Variants in TIMM23 observed in about 807,000 individuals in gnomAD.
TIMM23 encodes translocase of inner mitochondrial membrane 23.
TIMM23 carries 19 observed loss-of-function variants against 30.7 expected under a neutral mutation model. The observed-to-expected ratio is 0.62, with a 90% CI of 0.43 to 0.91. The LOEUF is 0.91. TIMM23 is among the 40% of genes least tolerant of loss of function. The pLI, the probability that TIMM23 is intolerant of heterozygous loss-of-function variation, is 0.00. For missense variants in TIMM23, 202 were observed against 269.2 expected (o/e 0.75, Z 1.75); for synonymous variants, 78 against 98.5 (o/e 0.79, Z 1.23).
intron 6 of TIMM23, among the ~76,000 whole-genome samples, chr10:45,998,006 T>G (rs1195781656): frequency 6.6e-6 from 1 of 152,122 alleles, no homozygotes; most frequent in African/African-American, 2.4e-5. Context: ...CATTTAGTAG[T>G]CATGTTAGTA....
At chr10:45,990,332 AG>A (rs1209877753) in intron 6 of TIMM23, among the ~76,000 whole-genome samples, 1 of 152,012 alleles carries the variant, frequency 6.6e-6, no homozygotes, top group African/African-American at 2.4e-5. Context: ...CATATTGGTC[AG>A]GCTGGTCTCA....
At chr10:45,995,396 G>A (rs1838299179) in intron 6 of TIMM23, among the ~76,000 whole-genome samples, 1 of 148,698 alleles carries the variant, frequency 6.7e-6, no homozygotes, top group East Asian at 2.0e-4. Flanking sequence ...CTGAGCTGGA[G>A]CTTCCATGCC....
chr10:45,974,432 A>G (rs1837604428), intron 1 of TIMM23, among the ~76,000 whole-genome samples: 1 of 152,234 alleles, frequency 6.6e-6, no homozygotes, highest in Non-Finnish European at 1.5e-5. Flanking sequence ...GCTAGTGCAA[A>G]TGTCCTGAAA....
intron 6 of TIMM23, among the ~76,000 whole-genome samples, chr10:45,991,644 G>A (rs1354724793): frequency 2.3e-4 from 35 of 152,034 alleles, no homozygotes; most frequent in Non-Finnish European, 3.8e-4. Context: ...CCAGCTACTC[G>A]GGAGGCTGAG....
At chr10:45,978,961 AAG>A (rs1837759356) in intron 2 of TIMM23, among the ~76,000 whole-genome samples, 1 of 152,198 alleles carries the variant, frequency 6.6e-6, no homozygotes, top group Non-Finnish European at 1.5e-5. Flanking sequence ...GTAATAAAAA[AAG>A]AATTATTAAA....
Position 45,976,932 on chromosome 10 carries a change from T to C in TIMM23, c.165+1420T>C, listed in dbSNP as rs1338160927. Among the ~76,000 whole-genome samples, 5 of 152,322 alleles carry C rather than the reference T, an allele frequency of 3.3e-5. No individual in the cohort carries two copies. The East Asian group carries it at 9.7e-4, about 29-fold the overall frequency. On this transcript the variant is annotated intron_variant, in intron 2 of 6. Transcript: ENST00000580018. Reference sequence around the variant, plus strand: ...TGATCGAGTTCAGCAAGTTGCAGAATACAAGTTCAATATACATAAATCAAA... The same window carrying C: ...TGATCGAGTTCAGCAAGTTGCAGAACACAAGTTCAATATACATAAATCAAA...
At chr10:45,997,525 T>G (rs1462894239) in intron 6 of TIMM23, among the ~76,000 whole-genome samples, 1 of 152,292 alleles carries the variant, frequency 6.6e-6, no homozygotes, top group East Asian at 1.9e-4. Flanking sequence ...AGATAGATGT[T>G]GGTACACAGA....
At chr10:45,980,166 T>A (rs1837800988) in intron 2 of TIMM23, among the ~76,000 whole-genome samples, 1 of 151,236 alleles carries the variant, frequency 6.6e-6, no homozygotes, top group African/African-American at 2.4e-5. Context: ...AAATTACATT[T>A]TGTAAAACTT....
chr10:45,976,243 C>A (rs1458844248), intron 2 of TIMM23, among the ~76,000 whole-genome samples: 4 of 151,264 alleles, frequency 2.6e-5, no homozygotes, highest in Non-Finnish European at 5.9e-5. Flanking sequence ...GAATATAGTA[C>A]AAAGACCACA....
chr10:45,981,629 G>A (rs1406235171), intron 2 of TIMM23, among the ~76,000 whole-genome samples: 2 of 152,020 alleles, frequency 1.3e-5, no homozygotes, highest in African/African-American at 2.4e-5. Flanking sequence ...CTGAATCAAC[G>A]TTCAGTATTT....
At position 45,972,532 on chromosome 10, in the gene TIMM23, C is replaced by G; in HGVS notation, c.-93C>G. On this transcript the variant is annotated 5_prime_UTR_variant, in exon 1 of 7. Transcript: ENST00000580018. ...CAGCGTGTGAAGTAGGCGCTGGCAA[C>G]GCGGGGTTACCCGCTGTTATTGAGG... The G allele has an allele frequency of 6.7e-7, 1 of 1,491,926 alleles. No homozygotes were observed. Among genetic ancestry groups the G allele is most frequent in the African/African-American group, 1.4e-5 (1 of 71,014 alleles). The allele number at this position is 1,491,926 out of a possible 1,614,324, so 92.4% of individuals were successfully genotyped here. A position where few individuals can be genotyped will look rare whatever the true frequency, so the allele number is the denominator to read the frequency against.
chr10:45,986,132 A>G lies in TIMM23; in HGVS notation c.403+691A>G, dbSNP rs1837981396. ...AAGGAGGGGAAGACATAGAAAACTC[A>G]TTGAAAACATAGAAAAAGCGTTTGT... is the stretch of plus-strand genomic sequence containing the variant. On this transcript the variant is annotated intron_variant, in intron 5 of 6. Transcript: ENST00000580018. 2.0e-5 allele frequency among the ~76,000 whole-genome samples: 3 copies of G among 152,336 alleles called. No homozygotes were observed. The South Asian group carries it at 6.2e-4, about 32-fold the overall frequency.
chr10:45,997,990 C>T (rs1838398768), intron 6 of TIMM23, among the ~76,000 whole-genome samples: 2 of 152,118 alleles, frequency 1.3e-5, no homozygotes, highest in African/African-American at 2.4e-5. Flanking sequence ...CAGTCCTCAA[C>T]AATGGCATTT....
rs782349833 is a variant in TIMM23 at position 46,003,224 on chromosome 10, G to A, written c.536G>A (p.Arg179Gln). 11 of 1,613,912 alleles carry A rather than the reference G, an allele frequency of 6.8e-6. No individual in the cohort carries two copies. The highest frequency in any genetic ancestry group is 1.3e-5 in the African/African-American group (1 of 74,904). The part of the protein sequence containing the change: ...KCTGGLRGIA[R>Q]GGLTGLTLTS... ...CCAGGTGGTCTTCGAGGGATAGCACGAGGTGGTCTGACAGGACTAACACTT... is the reference window on the plus strand; with the variant it reads ...CCAGGTGGTCTTCGAGGGATAGCACAAGGTGGTCTGACAGGACTAACACTT... Residue 179 changes from arginine (R) to glutamine (Q), a missense_variant, in exon 7 of 7, where the codon CGA (arginine) becomes CAA (glutamine). Coordinates refer to ENST00000580018, the MANE Select transcript of TIMM23 (RefSeq NM_006327.4).
At chr10:45,988,984 G>C (rs1838077940) in intron 6 of TIMM23, 137 bp downstream of exon 6, 11 of 830,606 alleles carry the variant, frequency 1.3e-5, no homozygotes, top group Non-Finnish European at 1.9e-5. Context: ...GGTTTGGTTT[G>C]GTTTTTAATT....
intron 6 of TIMM23, 83 bp from the exon 7 acceptor site, chr10:46,003,120 C>A: frequency 8.7e-7 from 1 of 1,145,924 alleles, no homozygotes. Context: ...GCCCATTTCA[C>A]AGTACTTTTT....
intron 6 of TIMM23, among the ~76,000 whole-genome samples, chr10:45,989,855 G>T (rs1189371634): frequency 6.6e-6 from 1 of 152,158 alleles, no homozygotes; most frequent in Admixed American, 6.5e-5. Context: ...ATACATTCAA[G>T]TAATGCCTAA....
chr10:45,973,497 A>G (rs1345517141), intron 1 of TIMM23, among the ~76,000 whole-genome samples: 3 of 152,192 alleles, frequency 2.0e-5, no homozygotes, highest in Non-Finnish European at 2.9e-5. Flanking sequence ...TCCTTGTAAT[A>G]TTTCTCTAGG....
chr10:45,993,244 CTTT>C (rs782013689), intron 6 of TIMM23, among the ~76,000 whole-genome samples: 3 of 72,060 alleles, frequency 4.2e-5, no homozygotes, highest in African/African-American at 2.0e-4. Flanking sequence ...TCTACCATCA[CTTT>C]TTTTTTTTTT....
Sources: gnomAD v4.1 joint callset for allele counts (sites outside exome capture counted in the v4.1 genomes callset) on GRCh38, gnomAD v4.1.1 for gene constraint, MANE v1.5 for transcripts, NCBI Gene and HGNC (gene_info 2026-07-23, HGNC 2026-07-21) for gene names.